The following ATAD2B variants were observed in gnomAD, a reference collection of about 807,000 sequenced individuals.
ATAD2B encodes ATPase family AAA domain containing 2B.
In ATAD2B, 40 loss-of-function variants were observed where a neutral mutation model predicts 167.6. That is an observed-to-expected ratio of 0.24 (90% CI 0.19 to 0.31). The LOEUF (loss-of-function observed/expected upper bound fraction) is 0.31, where lower values mean the gene tolerates loss of function less well. ATAD2B is among the 10% of genes least tolerant of loss of function. The probability of loss-of-function intolerance (pLI) is 1.00; values close to 1 mark genes in which losing one functional copy is unlikely to be tolerated. For synonymous variants in ATAD2B, 579 were observed against 596.5 expected, an observed-to-expected ratio of 0.97 and a Z score of 0.43; for missense variants, 1,242 against 1,757.2, an observed-to-expected ratio of 0.71 and a Z score of 5.24.
At chr2:23,778,442 T>C (rs1679499529) in intron 22 of ATAD2B, among the ~76,000 whole-genome samples, 1 of 152,188 alleles carries the variant, frequency 6.6e-6, no homozygotes, top group South Asian at 2.1e-4. Context: ...TGTTTCAAAA[T>C]AGAATTACAT....
the ATAD2B span, among the ~76,000 whole-genome samples, chr2:23,712,705 C>T: frequency 6.6e-6 from 1 of 152,064 alleles, no homozygotes; most frequent in African/African-American, 2.4e-5. Context: ...CTGCTGTTTT[C>T]ACATGATGGT....
At chr2:23,709,114 T>TCA in the ATAD2B span, among the ~76,000 whole-genome samples, 2 of 152,152 alleles carry the variant, frequency 1.3e-5, no homozygotes, top group Non-Finnish European at 2.9e-5. Flanking sequence ...GATCTCAGGC[T>TCA]CACCACAACC....
chr2:23,835,993 T>C (rs1689884223), intron 13 of ATAD2B, among the ~76,000 whole-genome samples: 1 of 151,448 alleles, frequency 6.6e-6, no homozygotes, highest in Non-Finnish European at 1.5e-5. Flanking sequence ...CTTGTCAGGG[T>C]CGCTTTTCTG....
intron 16 of ATAD2B, among the ~76,000 whole-genome samples, chr2:23,821,823 T>A (rs867236769): frequency 4.6e-5 from 7 of 152,304 alleles, no homozygotes; most frequent in Admixed American, 1.3e-4. Context: ...TTTATTTTTG[T>A]TTTTAATTTT....
chr2:23,754,525 G>C (rs1250126588), intron 26 of ATAD2B, 122 bp downstream of exon 26: 2 of 1,276,062 alleles, frequency 1.6e-6, no homozygotes, highest in Non-Finnish European at 2.2e-6. Context: ...TTTTTACTAG[G>C]AGCTCTGAGG....
chr2:23,782,069 G>A (rs1424275824), intron 22 of ATAD2B, among the ~76,000 whole-genome samples: 4 of 152,104 alleles, frequency 2.6e-5, no homozygotes, highest in South Asian at 2.1e-4. Context: ...CATTCACCCC[G>A]GCCTCCCAAA....
intron 1 of ATAD2B, among the ~76,000 whole-genome samples, chr2:23,918,602 C>T (rs1195387467): frequency 6.6e-6 from 1 of 152,118 alleles, no homozygotes; most frequent in Non-Finnish European, 1.5e-5. Context: ...CTATATGTTA[C>T]TATTCATACT....
chr2:23,904,984 A>G (rs1701304746), intron 1 of ATAD2B, among the ~76,000 whole-genome samples: 1 of 152,190 alleles, frequency 6.6e-6, no homozygotes, highest in South Asian at 2.1e-4. Flanking sequence ...ATTTTTCTCA[A>G]ATATTCCAAG....
At chr2:23,691,421 G>T in the ATAD2B span, 1 of 558,384 alleles carries the variant, frequency 1.8e-6, no homozygotes, top group Non-Finnish European at 3.2e-6. Context: ...CATGCTTTTT[G>T]ATTTGCATCT....
chr2:23,762,312 A>T lies in ATAD2B; in HGVS notation c.3291T>A (p.His1097Gln), dbSNP rs772426605. The stretch of plus-strand genomic sequence containing the variant: ...TTTCTGTCTTCCGAGCTCCAGTACT[A>T]TGAGGATTTATTTGTTCTGATGTTA... ...LSVTSEQINPHSTGARKTETR... is the reference protein window; with the variant it reads ...LSVTSEQINPQSTGARKTETR... The change falls in exon 24 of 28, where the codon CAT becomes CAA. Residue 1097 changes from histidine to glutamine, a missense_variant. By Grantham distance (24) the His-to-Gln change is conservative. Transcript: ENST00000238789. 48 of 1,613,360 alleles carry T rather than the reference A, an allele frequency of 3.0e-5. No homozygotes were observed. The highest frequency in any genetic ancestry group is 5.0e-5 in the Admixed American group (3 of 59,968).
At chr2:23,816,020 C>T (rs1686384904) in intron 17 of ATAD2B, among the ~76,000 whole-genome samples, 1 of 152,164 alleles carries the variant, frequency 6.6e-6, no homozygotes, top group Admixed American at 6.5e-5. Context: ...ATGTCTGGAA[C>T]ATGATGGGCA....
At chr2:23,898,072 G>A (rs1045262968) in intron 1 of ATAD2B, among the ~76,000 whole-genome samples, 2 of 152,144 alleles carry the variant, frequency 1.3e-5, no homozygotes, top group African/African-American at 2.4e-5. Context: ...AGCCTCCCAA[G>A]TAGCTGGGAC....
At chr2:23,816,571 T>C (rs1162050284) in intron 17 of ATAD2B, among the ~76,000 whole-genome samples, 1 of 152,128 alleles carries the variant, frequency 6.6e-6, no homozygotes, top group African/African-American at 2.4e-5. Context: ...AATGTATGGG[T>C]CTATACATTA....
rs11389544 is a variant in ATAD2B, at chr2:23,871,109, CA to C, written c.978-1349del. Among the ~76,000 whole-genome samples, 965 of 142,116 alleles carry C rather than the reference CA, an allele frequency of 6.8e-3. 4 individuals carry two copies. The highest frequency in any genetic ancestry group is 0.025 in the Middle Eastern group (7 of 278). The allele number at this position is 142,116 out of a possible 152,430, so 93.2% of individuals were successfully genotyped here. ...AGCAGTTCCACTAACTAGTAATTTG[CA>C]AAAAAAAAAAAACCTCAAAAATCAT... is the stretch of plus-strand genomic sequence containing the variant. On this transcript the variant is annotated intron_variant, in intron 8 of 27. Coordinates refer to ENST00000238789, the MANE Select transcript of ATAD2B (RefSeq NM_017552.4).
rs576108231 is a variant in ATAD2B, at chr2:23,882,100, C to T, written c.785-1345G>A. Reference sequence around the variant, plus strand: ...TCTAGCTGGACGCAGAGGCACCTGCCTCTAGTCCCAAATACTTAGGAGGCT... The same window carrying T: ...TCTAGCTGGACGCAGAGGCACCTGCTTCTAGTCCCAAATACTTAGGAGGCT... On this transcript the variant is annotated intron_variant, in intron 6 of 27. Coordinates refer to ENST00000238789, the MANE Select transcript of ATAD2B (RefSeq NM_017552.4). Among the ~76,000 whole-genome samples the T allele has an allele frequency of 1.7e-3, 253 of 152,320 alleles. 2 individuals are homozygous for T. In the Middle Eastern group the frequency reaches 0.037, roughly 23 times the overall value.
intron 1 of ATAD2B, among the ~76,000 whole-genome samples, chr2:23,920,179 C>T (rs1017432633): frequency 2.6e-5 from 4 of 151,670 alleles, no homozygotes; most frequent in African/African-American, 9.7e-5. Context: ...ATTAATTGGG[C>T]ACTGACTGAC....
intron 1 of ATAD2B, among the ~76,000 whole-genome samples, chr2:23,919,188 A>G (rs201554055): frequency 6.6e-6 from 1 of 150,862 alleles, no homozygotes; most frequent in East Asian, 2.0e-4. Flanking sequence ...ATTAAAAAAA[A>G]AGAGAGAGAG....
the ATAD2B span, among the ~76,000 whole-genome samples, chr2:23,737,154 C>A: frequency 9.2e-5 from 14 of 152,214 alleles, no homozygotes; most frequent in Non-Finnish European, 2.9e-5. Context: ...ACAGCAGTAA[C>A]CTCTGCAGAC....
intron 12 of ATAD2B, among the ~76,000 whole-genome samples, chr2:23,860,951 A>G (rs1694254835): frequency 6.6e-6 from 1 of 152,186 alleles, no homozygotes; most frequent in African/African-American, 2.4e-5. Flanking sequence ...AGCCCGGGCG[A>G]CAAAAGCGAA....
Sources: gnomAD v4.1 joint callset for allele counts (sites outside exome capture counted in the v4.1 genomes callset) on GRCh38, gnomAD v4.1.1 for gene constraint, MANE v1.5 for transcripts, NCBI Gene and HGNC (gene_info 2026-07-23, HGNC 2026-07-21) for gene names.